Variants in MICAL2 observed in about 807,000 individuals in gnomAD.
MICAL2 encodes [F-actin]-monooxygenase MICAL2.
A neutral mutation model predicts 127.3 loss-of-function variants in MICAL2; 77 were observed. The observed-to-expected ratio is 0.60, with a 90% confidence interval of 0.50 to 0.73. The LOEUF (loss-of-function observed/expected upper bound fraction) is 0.73, where lower values mean the gene tolerates loss of function less well. Ranked by LOEUF, MICAL2 falls within the 30% of genes least tolerant of loss-of-function variation. The pLI, the probability that MICAL2 is intolerant of heterozygous loss-of-function variation, is 0.00. For missense variants in MICAL2, 1,351 were observed against 1,434.4 expected, an observed-to-expected ratio of 0.94 and a Z score of 0.94; for synonymous variants, 570 against 551.1, an observed-to-expected ratio of 1.03 and a Z score of -0.48.
At chr11:12,188,088 G>A (rs1177341543) in intron 3 of MICAL2, among the ~76,000 whole-genome samples, 2 of 152,146 alleles carry the variant, frequency 1.3e-5, no homozygotes, top group East Asian at 1.9e-4. Context: ...CACAAGCCAC[G>A]TGGCTAGGGC....
intron 16 of MICAL2, among the ~76,000 whole-genome samples, 169 bp from the exon 17 acceptor site, chr11:12,239,267 G>A (rs780774680): frequency 6.6e-6 from 1 of 152,218 alleles, no homozygotes; most frequent in Non-Finnish European, 1.5e-5. Context: ...CATCCCTCCT[G>A]TGAGCATTGC....
chr11:12,240,104 C>T (rs959809120), intron 17 of MICAL2, among the ~76,000 whole-genome samples: 20 of 152,206 alleles, frequency 1.3e-4, no homozygotes, highest in African/African-American at 4.8e-4. Flanking sequence ...AGTCTGAGCT[C>T]ACAGTATTGA....
At chr11:12,262,448 C>T in intron 26 of MICAL2, 32 bp from the exon 27 acceptor site, 4 of 1,612,950 alleles carry the variant, frequency 2.5e-6, no homozygotes, top group Non-Finnish European at 3.4e-6. Context: ...CTATCTTTCT[C>T]TCTCTTTCCA....
At chr11:12,260,010 C>T (rs1018768513) in intron 26 of MICAL2, 113 bp downstream of exon 26, 2 of 1,550,408 alleles carry the variant, frequency 1.3e-6, no homozygotes, top group African/African-American at 2.7e-5. Flanking sequence ...ATATCAGGGA[C>T]AATGCTTACA....
chr11:12,282,666 G>A (rs1018323358), intron 2 of MICAL2, among the ~76,000 whole-genome samples: 1 of 152,122 alleles, frequency 6.6e-6, no homozygotes, highest in Non-Finnish European at 1.5e-5. Context: ...ACAGAACATC[G>A]TTACTCTCAT....
At chr11:12,319,447 CT>C (rs10660240) in intron 29 of MICAL2, among the ~76,000 whole-genome samples, 4 of 147,126 alleles carry the variant, frequency 2.7e-5, no homozygotes, top group South Asian at 2.2e-4. Context: ...TTGGTTTTTT[CT>C]TTTTTTTTTT....
At chr11:12,266,944 C>T (rs1046240271), downstream of MICAL2, among the ~76,000 whole-genome samples, 4 of 152,214 alleles carry the variant, frequency 2.6e-5, no homozygotes, top group African/African-American at 4.8e-5. Flanking sequence ...CAGCATAGAG[C>T]GCCCAGAGGA....
At chr11:12,310,104 C>T (rs575562841) in intron 29 of MICAL2, among the ~76,000 whole-genome samples, 50 of 152,084 alleles carry the variant, frequency 3.3e-4, no homozygotes, top group African/African-American at 1.2e-3. Context: ...ACTCTGCAAA[C>T]ATTCTCTCTC....
At chr11:12,312,932 C>T (rs1448798997) in intron 29 of MICAL2, among the ~76,000 whole-genome samples, 1 of 151,828 alleles carries the variant, frequency 6.6e-6, no homozygotes, top group African/African-American at 2.4e-5. Flanking sequence ...TTTGGGAGGC[C>T]GAGATGGGCG....
At chr11:12,282,337 G>A (rs1352163071) in intron 2 of MICAL2, among the ~76,000 whole-genome samples, 2 of 152,108 alleles carry the variant, frequency 1.3e-5, no homozygotes, top group East Asian at 1.9e-4. Context: ...CCCACCTCTG[G>A]TTACTGCGTG....
chr11:12,200,695 C>A (rs555349296), intron 3 of MICAL2, among the ~76,000 whole-genome samples: 1 of 152,190 alleles, frequency 6.6e-6, no homozygotes, highest in Non-Finnish European at 1.5e-5. Context: ...GAAATATGTA[C>A]TGGGGCCCAG....
intron 3 of MICAL2, among the ~76,000 whole-genome samples, chr11:12,174,268 A>G (rs750139311): frequency 2.4e-4 from 37 of 152,266 alleles, no homozygotes; most frequent in Admixed American, 4.6e-4. Context: ...ATTGTGGTAC[A>G]CCCATTACTA....
intron 6 of MICAL2, among the ~76,000 whole-genome samples, chr11:12,212,347 C>A (rs1478246369): frequency 1.3e-5 from 2 of 152,124 alleles, no homozygotes; most frequent in Non-Finnish European, 2.9e-5. Context: ...CATGGTGACA[C>A]ATGCATATTG....
rs1193033703 is a variant in MICAL2, at chr11:12,162,405, T to C, written c.250T>C (p.Cys84Arg). Reference sequence around the variant, plus strand: ...CAAAGAGTATAAGCGAGGGAAGTCGTGCACGAACACCAAGGTAAGGGGAAA... The same window carrying C: ...CAAAGAGTATAAGCGAGGGAAGTCGCGCACGAACACCAAGGTAAGGGGAAA... ...SHKEYKRGKS[C>R]TNTKCLIVGG... Residue 84 changes from cysteine (C) to arginine (R), a missense_variant, in exon 3 of 28, where the codon TGC (cysteine) becomes CGC (arginine). Cys to Arg is a radical substitution (Grantham distance 180). Transcript: ENST00000683283. 2.5e-6 allele frequency: 4 copies of C among 1,614,094 alleles called. No homozygotes were observed. The highest frequency in any genetic ancestry group is 1.3e-5 in the African/African-American group (1 of 74,940).
chr11:12,130,444 C>A (rs1361260222), intron 1 of MICAL2, among the ~76,000 whole-genome samples: 1 of 152,172 alleles, frequency 6.6e-6, no homozygotes, highest in Non-Finnish European at 1.5e-5. Context: ...GGCAAACAGG[C>A]AAATGATCCT....
rs538701321 is a variant in MICAL2 at position 12,262,351 on chromosome 11, C to G, written c.3335-129C>G. On this transcript the variant is annotated intron_variant, in intron 26 of 27. Transcript: ENST00000683283. ...AGCGACTCTTTCAGAGGAAGTTTCC[C>G]TCTTTCAATCGTGGCCTTATTTTCA... is the stretch of plus-strand genomic sequence containing the variant. 5 of 1,537,712 alleles carry G rather than the reference C, an allele frequency of 3.3e-6. No homozygotes were observed. The South Asian group carries it at 6.3e-5, about 19-fold the overall frequency.
intron 4 of MICAL2, 125 bp from the exon 5 acceptor site, chr11:12,207,898 A>G (rs1039909008): frequency 1.4e-6 from 1 of 714,872 alleles, no homozygotes; most frequent in Admixed American, 2.0e-5. Flanking sequence ...CCCGCTCAGT[A>G]ATGATCATTG....
chr11:12,152,700 C>T (rs967305923), intron 2 of MICAL2, among the ~76,000 whole-genome samples: 4 of 151,944 alleles, frequency 2.6e-5, no homozygotes, highest in African/African-American at 7.3e-5. Flanking sequence ...GGGCTTCCTG[C>T]GGTCAAATGA....
In MICAL2 at chr11:12,199,061, A is replaced by C. The variant is rs541113080; in HGVS notation, c.265-5189A>C. Among the ~76,000 whole-genome samples, 73 of 152,300 alleles carry C rather than the reference A, an allele frequency of 4.8e-4. 3 individuals carry two copies. The South Asian group carries it at 0.015, about 32-fold the overall frequency. On this transcript the variant is annotated intron_variant, in intron 3 of 27. Coordinates refer to ENST00000683283, the MANE Select transcript of MICAL2 (RefSeq NM_001282663.2). ...TCAAGCCGGTAAGAGCATAGACTTT[A>C]GACCAATAGTACCTGGGTTAAAATC...
Sources: gnomAD v4.1 joint callset for allele counts (sites outside exome capture counted in the v4.1 genomes callset) on GRCh38, gnomAD v4.1.1 for gene constraint, MANE v1.5 for transcripts, NCBI Gene and HGNC (gene_info 2026-07-23, HGNC 2026-07-21) for gene names.